The following DHX34 variants were observed in gnomAD, a reference collection of about 807,000 sequenced individuals.
DHX34 encodes DExH-box helicase 34, also known as probable ATP-dependent RNA helicase DHX34.
DHX34 carries 96 observed loss-of-function variants against 111.1 expected under a neutral mutation model. The ratio of observed to expected loss-of-function variants is 0.86; its 90% CI spans 0.73 to 1.02. The LOEUF is 1.02. Ranked by LOEUF, DHX34 falls within the 50% of genes least tolerant of loss-of-function variation. The pLI is 0.00. For missense variants in DHX34, 1,560 were observed against 1,579.9 expected (o/e 0.99, Z 0.21); for synonymous variants, 688 against 670.4 (o/e 1.03, Z -0.41).
intron 14 of DHX34, 76 bp from the exon 15 acceptor site, chr19:47,380,740 G>C: frequency 6.3e-7 from 1 of 1,589,002 alleles, no homozygotes. Context: ...AGGGCTTCAG[G>C]CACAGCTGGA....
At chr19:47,367,203 A>G (rs1279106737) in intron 7 of DHX34, 48 bp downstream of exon 7, 3 of 1,381,520 alleles carry the variant, frequency 2.2e-6, no homozygotes, top group Admixed American at 3.5e-5. Context: ...AGGAGCGGGT[A>G]TGGGCACAGC....
Position 47,353,043 on chromosome 19 carries a change from A to G in DHX34, c.13A>G (p.Arg5Gly). 6.2e-7 allele frequency: 1 copy of G among 1,611,580 alleles called. No homozygotes were observed. Among genetic ancestry groups the G allele is most frequent in the Non-Finnish European group, 8.5e-7 (1 of 1,177,930 alleles). The change falls in exon 2 of 17, where the codon AGA (arginine) becomes GGA (glycine). Residue 5 changes from arginine to glycine, a missense_variant. Transcript: ENST00000328771. This position sits in a 1 kb window ranked among gnomAD's most constrained non-coding sequence, Gnocchi z 4.6. The stretch of plus-strand genomic sequence containing the variant: ...GTGGATTAGTAACATGCCTCCTCCT[A>G]GAACAAGGGAGGGCAGGGATCGCCG... Reference protein sequence around the residue: MPPPRTREGRDRRDH... With the variant: MPPPGTREGRDRRDH...
At position 47,353,527 on chromosome 19, in the gene DHX34, A is replaced by G. The variant is rs368831190; in HGVS notation, c.497A>G (p.Gln166Arg). The change falls in exon 2 of 17, where the codon CAG becomes CGG. Residue 166 changes from glutamine to arginine, a missense_variant. Transcript: ENST00000328771. The surrounding 1 kb of genome is among the most constrained non-coding windows in gnomAD (Gnocchi z 4.6). ...QRERAALPIA[Q>R]YGNRILQTLK... The stretch of plus-strand genomic sequence containing the variant: ...GAGCGGGCAGCCCTCCCCATCGCCC[A>G]GTATGGGAACCGCATCCTGCAGACG... The G allele has an allele frequency of 1.2e-6, 2 of 1,613,618 alleles. No homozygotes were observed. The highest frequency in any genetic ancestry group is 2.7e-5 in the African/African-American group (2 of 74,938).
chr19:47,354,229 TTGGGATTACAG>T (rs1419517271), intron 2 of DHX34, among the ~76,000 whole-genome samples: 1 of 152,102 alleles, frequency 6.6e-6, no homozygotes, highest in Non-Finnish European at 1.5e-5. Flanking sequence ...TCCCAAAGTT[TTGGGATTACAG>T]GTGTGAGCCA....
chr19:47,371,575 CTTTGT>C (rs1453569779), intron 7 of DHX34, among the ~76,000 whole-genome samples: 1 of 152,146 alleles, frequency 6.6e-6, no homozygotes, highest in Non-Finnish European at 1.5e-5. Flanking sequence ...TTACTGCCAC[CTTTGT>C]TTTATGAGGC....
chr19:47,377,488 G>A (rs1383459619), intron 13 of DHX34, among the ~76,000 whole-genome samples: 1 of 134,204 alleles, frequency 7.5e-6, no homozygotes, highest in Non-Finnish European at 1.6e-5. Context: ...TCGGGCTCTA[G>A]TGGCAGGGGA....
chr19:47,367,231 T>TG, intron 7 of DHX34, 76 bp downstream of exon 7: 1 of 1,326,778 alleles, frequency 7.5e-7, no homozygotes. Context: ...CTGAGTGGCC[T>TG]GGGGGCAAGT....
Position 47,375,498 on chromosome 19 carries a change from G to A in DHX34, c.2097G>A (p.Gly699=), listed in dbSNP as rs749308487. 2.9e-5 allele frequency: 46 copies of A among 1,576,898 alleles called. No homozygotes were observed. The highest frequency in any genetic ancestry group is 3.8e-5 in the Non-Finnish European group (44 of 1,168,038). The change falls in exon 10 of 17, where the codon GGG becomes GGA. Residue 699 remains glycine, a synonymous_variant. Coordinates refer to ENST00000328771, the MANE Select transcript of DHX34 (RefSeq NM_014681.6). ...TGGAGGACCACGGGCTGCTGGCTGGGGCCCAGGCCGCGCAGGTAGGGGACA... is the reference window on the plus strand; with the variant it reads ...TGGAGGACCACGGGCTGCTGGCTGGAGCCCAGGCCGCGCAGGTAGGGGACA... ...ELLEDHGLLA[G]AQAAQVGDSY...
rs757014753 is a variant in DHX34, at chr19:47,373,648, G to T, written c.2012G>T (p.Gly671Val). Residue 671 changes from glycine to valine, a missense_variant, in exon 9 of 17, where the codon GGC (glycine) becomes GTC (valine). Transcript: ENST00000328771. Reference protein sequence around the residue: ...RNSRKWCRRRGIEEHRLYEMA... With the variant: ...RNSRKWCRRRVIEEHRLYEMA... ...TCTCGCAAGTGGTGCCGCCGCCGGG[G>T]CATAGAGGAGCATCGACTGTACGAA... is the stretch of plus-strand genomic sequence containing the variant. 3 of 1,614,040 alleles carry T rather than the reference G, an allele frequency of 1.9e-6. No individual in the cohort carries two copies. Among genetic ancestry groups the T allele is most frequent in the Non-Finnish European group, 1.7e-6 (2 of 1,179,980 alleles).
chr19:47,366,899 G>A, intron 6 of DHX34, 82 bp from the exon 7 acceptor site: 2 of 1,419,372 alleles, frequency 1.4e-6, no homozygotes, highest in Non-Finnish European at 1.9e-6. Context: ...AAAACGTCAT[G>A]AATTTGTGAT....
At chr19:47,362,328 T>G (rs1969654684) in intron 5 of DHX34, 148 bp from the exon 6 acceptor site, 2 of 1,193,130 alleles carry the variant, frequency 1.7e-6, no homozygotes, top group Non-Finnish European at 2.1e-6. Context: ...GAACAAAATG[T>G]CAGAGTTGGG....
Position 47,379,882 on chromosome 19 carries a change from A to G in DHX34, c.2879A>G (p.His960Arg). The change falls in exon 14 of 17, where the codon CAC becomes CGC. Residue 960 changes from histidine (H) to arginine (R), a missense_variant. By Grantham distance (29) the His-to-Arg change is conservative (BLOSUM62 0). Coordinates refer to ENST00000328771, the MANE Select transcript of DHX34 (RefSeq NM_014681.6). ...WESALDRQLA[H>R]QAQQQLEEEE... ...AGTGCCCTGGACCGGCAGCTGGCGCACCAGGCCCAGCAGCAGCTGGAGGAG... is the reference window on the plus strand; with the variant it reads ...AGTGCCCTGGACCGGCAGCTGGCGCGCCAGGCCCAGCAGCAGCTGGAGGAG... 1 of 1,613,406 alleles carries G rather than the reference A, an allele frequency of 6.2e-7. No homozygotes were observed. The highest frequency in any genetic ancestry group is 1.1e-5 in the South Asian group (1 of 91,054).
At chr19:47,380,055 G>C in intron 14 of DHX34, 70 bp downstream of exon 14, 1 of 1,493,056 alleles carries the variant, frequency 6.7e-7, no homozygotes, top group Non-Finnish European at 8.9e-7. Flanking sequence ...CTTGAGCCTC[G>C]GGAAGGCCTG....
rs1969659747 is a variant in DHX34 at position 47,362,456 on chromosome 19, T to C, written c.1376-20T>C. On this transcript the variant is annotated intron_variant, in intron 5 of 16. Transcript: ENST00000328771. ...GTGGCTGCCACACACAGACTCCCTTTCCTCATTGCTCCCATCCAGGAAAGG... is the reference window on the plus strand; with the variant it reads ...GTGGCTGCCACACACAGACTCCCTTCCCTCATTGCTCCCATCCAGGAAAGG... The C allele has an allele frequency of 6.5e-7, 1 of 1,537,008 alleles. No homozygotes were observed. The highest frequency in any genetic ancestry group is 8.8e-7 in the Non-Finnish European group (1 of 1,139,824).
chr19:47,379,589 A>C, intron 13 of DHX34, 121 bp from the exon 14 acceptor site: 1 of 1,477,556 alleles, frequency 6.8e-7, no homozygotes, highest in East Asian at 2.3e-5. Flanking sequence ...GATGGCGGGT[A>C]GGTGGATGCC....
rs1447929359 is a variant in DHX34, at chr19:47,380,947, G to A, written c.3114G>A (p.Lys1038=). 1 of 1,603,708 alleles carries A rather than the reference G, an allele frequency of 6.2e-7. No individual in the cohort carries two copies. The highest frequency in any genetic ancestry group is 1.7e-5 in the Admixed American group (1 of 58,290). ...GSSTLSPHPT[K]GGYAVTDFLT... is the part of the protein sequence containing the mutation. The stretch of plus-strand genomic sequence containing the variant: ...CCACCCTGTCCCCCCACCCCACAAA[G>A]GGGGGCTACGCAGTCACTGACTTCC... Residue 1038 remains lysine, a synonymous_variant, in exon 15 of 17, where the codon AAG becomes AAA. Transcript: ENST00000328771.
chr19:47,351,071 C>A (rs1411575392), intron 1 of DHX34, among the ~76,000 whole-genome samples: 1 of 150,540 alleles, frequency 6.6e-6, no homozygotes, highest in Non-Finnish European at 1.5e-5. Context: ...ATCTAGAAGC[C>A]AAAAAAGATA....
At chr19:47,373,031 C>A in intron 8 of DHX34, 108 bp downstream of exon 8, 1 of 1,357,552 alleles carries the variant, frequency 7.4e-7, no homozygotes, top group Non-Finnish European at 9.7e-7. Context: ...CCTGGGAGGA[C>A]CACTGAGCCC....
intron 14 of DHX34, 24 bp downstream of exon 14, chr19:47,380,009 G>A (rs1970304846): frequency 6.4e-7 from 1 of 1,555,564 alleles, no homozygotes; most frequent in Middle Eastern, 1.7e-4. Context: ...GGGTGCCCGT[G>A]CCTCCCTATG....
Sources: gnomAD v4.1 joint callset for allele counts (sites outside exome capture counted in the v4.1 genomes callset) on GRCh38, gnomAD v4.1.1 for gene constraint, Gnocchi (gnomAD v3.1) non-coding constraint, MANE v1.5 for transcripts, NCBI Gene and HGNC (gene_info 2026-07-23, HGNC 2026-07-21) for gene names.